The following FRG1 variants were observed in gnomAD, a reference collection of about 807,000 sequenced individuals.
FRG1 encodes FSHD region gene 1, also known as protein FRG1.
Under a neutral mutation model 37.0 loss-of-function variants are expected in FRG1, and 19 were observed. That is an observed-to-expected ratio of 0.51 (90% CI 0.36 to 0.75). The LOEUF is 0.75. Among genes scored for constraint, FRG1 ranks in the 30% least tolerant of loss-of-function variants. The pLI is 0.00. For synonymous variants in FRG1, 73 were observed against 96.5 expected (o/e 0.76, Z 1.43); for missense variants, 243 against 301.4 (o/e 0.81, Z 1.44).
intron 2 of FRG1, among the ~76,000 whole-genome samples, chr4:189,943,716 G>A (rs1343734996): frequency 1.3e-5 from 2 of 152,160 alleles, no homozygotes; most frequent in Non-Finnish European, 2.9e-5. Context: ...CAACATCAGG[G>A]TAGCCTGTAA....
In FRG1 at chr4:189,961,545, C is replaced by T. The variant is rs565806094; in HGVS notation, c.630-277C>T. ...GCCTCAGCCTCCCGAGTAGCTGGGA[C>T]TACAGGCGCGTGCCACTATGCTCGG... On this transcript the variant is annotated intron_variant, in intron 7 of 8. Coordinates refer to ENST00000226798, the MANE Select transcript of FRG1 (RefSeq NM_004477.3). The T allele has an allele frequency of 3.8e-5, 8 of 208,956 alleles. No homozygotes were observed. The South Asian group carries it at 8.0e-4, about 21-fold the overall frequency. The allele number at this position is 208,956 out of a possible 1,614,324, so 12.9% of individuals were successfully genotyped here. A position where few individuals can be genotyped will look rare whatever the true frequency, so the allele number is the denominator to read the frequency against.
chr4:189,947,491 A>G (rs530456473), intron 2 of FRG1, among the ~76,000 whole-genome samples: 8 of 152,286 alleles, frequency 5.3e-5, no homozygotes, highest in African/African-American at 1.9e-4. Flanking sequence ...CTTATTTATT[A>G]GGGTTTTGCT....
Position 189,963,115 on chromosome 4 carries a change from A to T in FRG1, c.763A>T (p.Arg255Ter). 1 of 1,612,194 alleles carries T rather than the reference A, an allele frequency of 6.2e-7. No homozygotes were observed. Among genetic ancestry groups the T allele is most frequent in the Non-Finnish European group, 8.5e-7 (1 of 1,178,876 alleles). Residue 255 changes from arginine to a stop codon, truncating the protein, a stop_gained, in exon 9 of 9, where the codon AGA becomes TGA. Coordinates refer to ENST00000226798, the MANE Select transcript of FRG1 (RefSeq NM_004477.3). LOFTEE classifies it high-confidence loss of function. ...LDRRAKLKAD[R>*]YCK ...CAGGAGAGCCAAATTGAAAGCCGAC[A>T]GATACTGCAAGTGACTGGGATTTTT...
chr4:189,948,340 A>C (rs1003319611), intron 2 of FRG1, among the ~76,000 whole-genome samples: 4 of 152,334 alleles, frequency 2.6e-5, no homozygotes, highest in African/African-American at 9.6e-5. Flanking sequence ...AAAGAGTTTC[A>C]CTGAGCTCTG....
intron 8 of FRG1, among the ~76,000 whole-genome samples, chr4:189,962,285 A>G (rs76182695): frequency 6.6e-6 from 1 of 152,212 alleles, no homozygotes; most frequent in African/African-American, 2.4e-5. Context: ...GTTCCTTAAA[A>G]TAAGAATAGA....
intron 7 of FRG1, 73 bp downstream of exon 7, chr4:189,960,912 T>C (rs184668807): frequency 6.5e-7 from 1 of 1,540,276 alleles, no homozygotes; most frequent in Non-Finnish European, 8.8e-7. Context: ...CAAAATAAAT[T>C]ACCTACTTAG....
At chr4:189,952,477 T>C (rs772750079) in intron 3 of FRG1, among the ~76,000 whole-genome samples, 190 bp downstream of exon 3, 3 of 141,202 alleles carry the variant, frequency 2.1e-5, no homozygotes, top group Admixed American at 7.1e-5. Flanking sequence ...TATAAGCATT[T>C]GAAAACATTC....
chr4:189,958,799 A>G (rs1323779540), intron 6 of FRG1, among the ~76,000 whole-genome samples: 1 of 152,244 alleles, frequency 6.6e-6, no homozygotes, highest in African/African-American at 2.4e-5. Flanking sequence ...GACTCACAGA[A>G]GCCACTGATC....
intron 6 of FRG1, chr4:189,959,956 T>C (rs1298366732): frequency 4.7e-6 from 4 of 854,564 alleles, no homozygotes; most frequent in Non-Finnish European, 5.6e-6. Context: ...GCCCTTCAGC[T>C]TTATGACCAG....
chr4:189,945,964 G>T (rs1386865859), intron 2 of FRG1, among the ~76,000 whole-genome samples: 1 of 152,118 alleles, frequency 6.6e-6, no homozygotes, highest in African/African-American at 2.4e-5. Context: ...AGATTTTTCT[G>T]TTGTGTCAGT....
rs774683698 is a variant in FRG1 at position 189,955,020 on chromosome 4, A to G, written c.318-17A>G. Reference sequence around the variant, plus strand: ...TTCTCTCAGTCTTTAACTTTTATCTATGTTATTAATGTACAGAATCGCCCT... The same window carrying G: ...TTCTCTCAGTCTTTAACTTTTATCTGTGTTATTAATGTACAGAATCGCCCT... On this transcript the variant is annotated splice_polypyrimidine_tract_variant and intron_variant, in intron 4 of 8. Coordinates refer to ENST00000226798, the MANE Select transcript of FRG1 (RefSeq NM_004477.3). The G allele has an allele frequency of 2.0e-6, 3 of 1,464,082 alleles. No homozygotes were observed. Among genetic ancestry groups the G allele is most frequent in the Non-Finnish European group, 2.9e-6 (3 of 1,044,714 alleles). 90.7% of individuals were successfully genotyped at this position (1,464,082 alleles called of 1,614,324 possible).
intron 2 of FRG1, among the ~76,000 whole-genome samples, chr4:189,945,486 T>C (rs745883524): frequency 6.6e-6 from 1 of 152,246 alleles, no homozygotes; most frequent in Non-Finnish European, 1.5e-5. Flanking sequence ...CAGATGCCTC[T>C]TTCTGTATCT....
intron 2 of FRG1, among the ~76,000 whole-genome samples, chr4:189,949,912 A>G (rs1012104259): frequency 3.3e-5 from 5 of 152,100 alleles, no homozygotes; most frequent in South Asian, 2.1e-4. Context: ...CAGTTTTTCT[A>G]TTTTTACGTG....
At chr4:189,950,661 A>G (rs961113958) in intron 2 of FRG1, among the ~76,000 whole-genome samples, 9 of 152,192 alleles carry the variant, frequency 5.9e-5, no homozygotes, top group Non-Finnish European at 1.2e-4. Flanking sequence ...AATTAACTGA[A>G]TCTTTAAAAC....
chr4:189,946,639 A>G (rs1270993724), intron 2 of FRG1, among the ~76,000 whole-genome samples: 1 of 152,038 alleles, frequency 6.6e-6, no homozygotes, highest in African/African-American at 2.4e-5. Context: ...AATATCATCT[A>G]GTTTTCCTTG....
chr4:189,960,664 C>G, intron 6 of FRG1, 84 bp from the exon 7 acceptor site: 1 of 1,199,006 alleles, frequency 8.3e-7, no homozygotes, highest in Admixed American at 2.9e-5. Context: ...AAGAAATCAT[C>G]TCGAATGTTC....
intron 6 of FRG1, among the ~76,000 whole-genome samples, chr4:189,959,050 C>G (rs1250187963): frequency 6.6e-6 from 1 of 152,152 alleles, no homozygotes; most frequent in African/African-American, 2.4e-5. Flanking sequence ...AAATGCCCTT[C>G]GTTCTTATAA....
chr4:189,954,710 T>A (rs1004612134), intron 4 of FRG1, among the ~76,000 whole-genome samples: 3 of 151,684 alleles, frequency 2.0e-5, no homozygotes, highest in African/African-American at 7.3e-5. Flanking sequence ...TCCTCCTGCG[T>A]CAGCCTCCCA....
At chr4:189,953,686 A>G (rs1736858772) in intron 4 of FRG1, among the ~76,000 whole-genome samples, 1 of 152,054 alleles carries the variant, frequency 6.6e-6, no homozygotes. Context: ...CTGTTATATA[A>G]TCATTAATGT....
Sources: allele counts gnomAD v4.1 joint callset (sites outside exome capture counted in the v4.1 genomes callset), GRCh38; gene constraint gnomAD v4.1.1; transcripts MANE v1.5; gene names NCBI Gene and HGNC (gene_info 2026-07-23, HGNC 2026-07-21).